Variants in TTC39B observed in about 807,000 individuals in gnomAD.
TTC39B encodes tetratricopeptide repeat domain 39B.
In TTC39B, 92 loss-of-function variants were observed where a neutral mutation model predicts 96.6. That is an observed-to-expected ratio of 0.95 (90% CI 0.80 to 1.13). TTC39B has a LOEUF of 1.13. Among genes scored for constraint, TTC39B ranks in the 50% most tolerant of loss-of-function variants. TTC39B has a pLI of 0.00. For synonymous variants in TTC39B, 367 were observed against 299.4 expected, an observed-to-expected ratio of 1.23 and a Z score of -2.33; for missense variants, 955 against 809.3, an observed-to-expected ratio of 1.18 and a Z score of -2.18.
At chr9:15,303,902 T>G (rs1824678649) in intron 1 of TTC39B, among the ~76,000 whole-genome samples, 1 of 152,198 alleles carries the variant, frequency 6.6e-6, no homozygotes, top group African/African-American at 2.4e-5. Flanking sequence ...CCCAAAGTGA[T>G]GGGATTACAG....
At chr9:15,219,832 G>A (rs1441717059) in intron 3 of TTC39B, among the ~76,000 whole-genome samples, 1 of 152,102 alleles carries the variant, frequency 6.6e-6, no homozygotes, top group African/African-American at 2.4e-5. Context: ...GAGCTAGTAG[G>A]GCAGGCTCTA....
At chr9:15,301,062 C>A (rs1273809732) in intron 1 of TTC39B, among the ~76,000 whole-genome samples, 3 of 152,132 alleles carry the variant, frequency 2.0e-5, no homozygotes, top group Non-Finnish European at 4.4e-5. Flanking sequence ...CTCTCTTATT[C>A]CCGCCCATCT....
At chr9:15,194,570 C>T (rs567112527) in intron 8 of TTC39B, among the ~76,000 whole-genome samples, 1 of 152,290 alleles carries the variant, frequency 6.6e-6, no homozygotes, top group East Asian at 1.9e-4. Context: ...TTTGTGGATA[C>T]TGCATTTTTT....
intron 6 of TTC39B, among the ~76,000 whole-genome samples, chr9:15,209,761 C>G (rs1229084629): frequency 6.6e-6 from 1 of 152,158 alleles, no homozygotes; most frequent in Non-Finnish European, 1.5e-5. Flanking sequence ...CTGTTAAACA[C>G]TCACATGTAA....
At chr9:15,192,881 G>A (rs549057376) in intron 8 of TTC39B, among the ~76,000 whole-genome samples, 186 bp from the exon 9 acceptor site, 2 of 152,286 alleles carry the variant, frequency 1.3e-5, no homozygotes, top group East Asian at 3.9e-4. Flanking sequence ...CAAAGAAAAA[G>A]GAGATGCTCA....
exon 20 of TTC39B, chr9:15,171,792 T>G (rs867209707): frequency 1.4e-5 from 4 of 288,304 alleles, no homozygotes; most frequent in Admixed American, 5.1e-5. Context: ...GAAATTCTTT[T>G]GGGGGAGGCA....
chr9:15,231,414 A>C (rs1455745591), intron 2 of TTC39B, among the ~76,000 whole-genome samples: 1 of 152,194 alleles, frequency 6.6e-6, no homozygotes, highest in African/African-American at 2.4e-5. Flanking sequence ...GTGGTATCTC[A>C]CTGTAGTTTT....
chr9:15,241,259 A>G (rs1288111254), intron 2 of TTC39B, among the ~76,000 whole-genome samples: 2 of 152,130 alleles, frequency 1.3e-5, no homozygotes, highest in African/African-American at 2.4e-5. Context: ...TTACATTTGT[A>G]TCAGAAACTG....
At chr9:15,166,844 G>C (rs1817526056) in exon 20 of TTC39B, 2 of 150,464 alleles carry the variant, frequency 1.3e-5, no homozygotes, top group South Asian at 4.2e-4. Flanking sequence ...GCTATCTATA[G>C]ATACATGTAT....
chr9:15,183,426 C>CT (rs1378610737), intron 16 of TTC39B: 1 of 350,004 alleles, frequency 2.9e-6, no homozygotes, highest in East Asian at 9.9e-5. Context: ...ATATCTGAGA[C>CT]TTTATGAAAA....
exon 12 of TTC39B, chr9:15,189,751 C>T (rs760871760): frequency 1.9e-6 from 3 of 1,613,674 alleles, no homozygotes; most frequent in Non-Finnish European, 2.5e-6. Flanking sequence ...AGGAAGGGTG[C>T]CAGGAGACGC....
rs538682023 is a variant in TTC39B at position 15,236,435 on chromosome 9, G to T, written c.276-10423C>A. On this transcript the variant is annotated intron_variant, in intron 2 of 19. Coordinates refer to ENST00000512701, the Ensembl canonical transcript of TTC39B. Reference sequence around the variant, plus strand: ...ATCATCGAGGCAGAAAATCAACAAAGAAACTTGGGACTTAACTGGGTTACA... The same window carrying T: ...ATCATCGAGGCAGAAAATCAACAAATAAACTTGGGACTTAACTGGGTTACA... 9.9e-5 allele frequency among the ~76,000 whole-genome samples: 15 copies of T among 152,278 alleles called. No individual in the cohort carries two copies. The South Asian group carries it at 3.1e-3, about 32-fold the overall frequency.
intron 1 of TTC39B, among the ~76,000 whole-genome samples, chr9:15,279,352 G>C (rs1415912831): frequency 1.3e-5 from 2 of 152,232 alleles, no homozygotes; most frequent in African/African-American, 4.8e-5. Flanking sequence ...CTCAATATGA[G>C]TGTTCGGAAG....
intron 2 of TTC39B, among the ~76,000 whole-genome samples, chr9:15,230,746 A>C (rs1310602691): frequency 6.6e-6 from 1 of 152,140 alleles, no homozygotes; most frequent in Non-Finnish European, 1.5e-5. Context: ...GGACTTTGGG[A>C]GGCCGAGGAG....
chr9:15,262,323 T>C (rs1411947328), intron 2 of TTC39B, among the ~76,000 whole-genome samples: 1 of 152,162 alleles, frequency 6.6e-6, no homozygotes. Flanking sequence ...GGTCTCAAAC[T>C]CCTGACCTCA....
intron 16 of TTC39B, among the ~76,000 whole-genome samples, chr9:15,184,907 A>T (rs1321084046): frequency 6.6e-6 from 1 of 152,214 alleles, no homozygotes; most frequent in East Asian, 1.9e-4. Flanking sequence ...TAATGTGGCT[A>T]TTAGAAAAGG....
intron 1 of TTC39B, among the ~76,000 whole-genome samples, chr9:15,281,581 G>A (rs1033549020): frequency 9.3e-6 from 1 of 107,794 alleles, no homozygotes; most frequent in Non-Finnish European, 1.7e-5. Context: ...TTTCTGCTAA[G>A]ACTAAATTAT....
chr9:15,290,764 T>A (rs569576969), intron 1 of TTC39B, among the ~76,000 whole-genome samples: 4 of 152,280 alleles, frequency 2.6e-5, no homozygotes, highest in Admixed American at 2.6e-4. Flanking sequence ...ATCTACCTCT[T>A]TTTTTTCTTT....
chr9:15,176,962 A>G (rs1177846893), intron 18 of TTC39B, among the ~76,000 whole-genome samples: 1 of 152,212 alleles, frequency 6.6e-6, no homozygotes, highest in East Asian at 1.9e-4. Flanking sequence ...AAACCAGAAC[A>G]AAACTCAATT....
Sources: allele counts gnomAD v4.1 joint callset (sites outside exome capture counted in the v4.1 genomes callset), GRCh38; gene constraint gnomAD v4.1.1; transcripts MANE v1.5; gene names NCBI Gene and HGNC (gene_info 2026-07-23, HGNC 2026-07-21).